WDR49: variants seen among roughly 807,000 people sequenced by gnomAD.
The protein encoded by WDR49 is cilia- and flagella-associated protein 337.
WDR49 carries 107 observed loss-of-function variants against 119.5 expected under a neutral mutation model. That is an observed-to-expected ratio of 0.90 (90% CI 0.77 to 1.05). WDR49 has a LOEUF of 1.05. Ranked by LOEUF, WDR49 falls within the 50% of genes least tolerant of loss-of-function variation. The pLI is 0.00. For synonymous variants in WDR49, 425 were observed against 418.8 expected (o/e 1.01, Z -0.18); for missense variants, 1,240 against 1,220.5 (o/e 1.02, Z -0.24).
rs77610864 is a variant in WDR49 at position 167,605,279 on chromosome 3, T to C, written c.959-811A>G. On this transcript the variant is annotated intron_variant, in intron 5 of 18. Coordinates refer to ENST00000682715, the MANE Select transcript of WDR49 (RefSeq NM_001366157.1). ...GGATTTATTAATTCAAGAGCTCATA[T>C]TGATATGTAAATAGCTTGATTTAGA... Among the ~76,000 whole-genome samples, 508 of 152,298 alleles carry C rather than the reference T, an allele frequency of 3.3e-3. 3 individuals carry two copies. Among genetic ancestry groups the C allele is most frequent in the African/African-American group, 0.011 (477 of 41,572 alleles).
At chr3:167,560,730 T>C (rs1271383542) in intron 8 of WDR49, among the ~76,000 whole-genome samples, 2 of 152,094 alleles carry the variant, frequency 1.3e-5, no homozygotes, top group Non-Finnish European at 2.9e-5. Context: ...GCTTTCTTTT[T>C]TCCCAAACTA....
At chr3:167,517,666 C>A (rs1456542314) in intron 16 of WDR49, among the ~76,000 whole-genome samples, 3 of 151,368 alleles carry the variant, frequency 2.0e-5, no homozygotes, top group Non-Finnish European at 4.4e-5. Flanking sequence ...TAAAAATTGA[C>A]CAATGAGATA....
At chr3:167,651,481 C>T (rs149212601) in intron 2 of WDR49, among the ~76,000 whole-genome samples, 19 of 152,214 alleles carry the variant, frequency 1.2e-4, no homozygotes, top group African/African-American at 4.6e-4. Flanking sequence ...GGTGTCCGTG[C>T]TGTGTTTGGA....
At chr3:167,605,533 T>G (rs537289849) in intron 5 of WDR49, among the ~76,000 whole-genome samples, 2 of 152,000 alleles carry the variant, frequency 1.3e-5, no homozygotes, top group Non-Finnish European at 2.9e-5. Context: ...GGCCCCAAAC[T>G]TGGGAGAAAA....
intron 13 of WDR49, 42 bp downstream of exon 13, chr3:167,531,073 C>A: frequency 6.3e-7 from 1 of 1,575,630 alleles, no homozygotes; most frequent in Non-Finnish European, 8.6e-7. Context: ...TTCTTTATTG[C>A]TCCCTTTCCA....
At chr3:167,602,000 C>A in intron 7 of WDR49, 127 bp downstream of exon 7, 6 of 1,216,632 alleles carry the variant, frequency 4.9e-6, no homozygotes, top group East Asian at 4.9e-5. Context: ...CTTCCAAAAA[C>A]ATAAGTAGCT....
At chr3:167,586,369 G>A (rs142813312) in intron 7 of WDR49, among the ~76,000 whole-genome samples, 3,356 of 152,266 alleles carry the variant, frequency 0.022, 58 homozygotes, top group Middle Eastern at 0.044. Context: ...GCCATCTCAA[G>A]AGAATCAGTT....
chr3:167,567,464 C>G lies in WDR49; in HGVS notation c.1510-7236G>C, dbSNP rs1233107556. 2.6e-5 allele frequency among the ~76,000 whole-genome samples: 4 copies of G among 152,168 alleles called. No individual in the cohort carries two copies. The East Asian group carries it at 7.7e-4, about 29-fold the overall frequency. ...GGCTCTGTTGTAGATCCTGTGAAGT[C>G]ATGTGCAACACGTGGACACAGTTTT... is the stretch of plus-strand genomic sequence containing the variant. On this transcript the variant is annotated intron_variant, in intron 8 of 18. Coordinates refer to ENST00000682715, the MANE Select transcript of WDR49 (RefSeq NM_001366157.1).
At chr3:167,568,358 G>C (rs1209253207) in intron 8 of WDR49, among the ~76,000 whole-genome samples, 1 of 151,966 alleles carries the variant, frequency 6.6e-6, no homozygotes, top group Non-Finnish European at 1.5e-5. Flanking sequence ...TTAAATTATT[G>C]TATAATAACT....
At chr3:167,582,375 A>G (rs868009121) in intron 7 of WDR49, among the ~76,000 whole-genome samples, 56 of 152,274 alleles carry the variant, frequency 3.7e-4, no homozygotes, top group African/African-American at 1.3e-3. Context: ...TTCTTCCTTC[A>G]GAAAAGATTT....
chr3:167,504,703 G>A (rs78187777), intron 17 of WDR49, among the ~76,000 whole-genome samples: 4,088 of 152,200 alleles, frequency 0.027, 79 homozygotes, highest in Non-Finnish European at 0.042. Flanking sequence ...GGAGGTGCCA[G>A]GGATGGAATG....
intron 7 of WDR49, among the ~76,000 whole-genome samples, chr3:167,582,350 A>G (rs1306782170): frequency 1.3e-5 from 2 of 152,166 alleles, no homozygotes; most frequent in African/African-American, 4.8e-5. Context: ...TTTTTATCTT[A>G]AAGTCATATA....
chr3:167,653,286 A>G lies in WDR49; in HGVS notation c.140T>C (p.Phe47Ser), dbSNP rs1319154372. Residue 47 changes from phenylalanine to serine, a missense_variant, in exon 2 of 19, where the codon TTT becomes TCT. Transcript: ENST00000682715. The part of the protein sequence containing the change: ...LLENQLSVGD[F>S]VKIQKAFESP... ...CTCAAAGGCCTTCTGTATTTTTACA[A>G]AGTCACCCACGCTGAGTTGGTTTTC... 6.5e-6 allele frequency: 10 copies of G among 1,536,174 alleles called. No individual in the cohort carries two copies. The highest frequency in any genetic ancestry group is 8.7e-6 in the Non-Finnish European group (10 of 1,146,882).
chr3:167,537,110 C>A, intron 10 of WDR49, 110 bp from the exon 11 acceptor site: 1 of 1,131,330 alleles, frequency 8.8e-7, no homozygotes. Context: ...GACTATGCTG[C>A]CCAAAATTTA....
intron 2 of WDR49, among the ~76,000 whole-genome samples, chr3:167,641,328 C>T (rs1433668426): frequency 6.6e-6 from 1 of 151,916 alleles, no homozygotes; most frequent in Non-Finnish European, 1.5e-5. Context: ...TTCTCAGCAA[C>T]ACTTCTGATC....
chr3:167,592,421 A>ATTTCTT (rs777784406), intron 7 of WDR49, among the ~76,000 whole-genome samples: 15 of 146,868 alleles, frequency 1.0e-4, no homozygotes, highest in African/African-American at 2.5e-4. Context: ...CCGTTAGATG[A>ATTTCTT]TTTCTTTTTC....
Position 167,478,812 on chromosome 3 carries a change from T to G in WDR49, c.*66A>C. ...ATATAAAATAAAATAAAAGGCAGAA[T>G]TCTTGATGCTTTTTCTGCATTTTAT... On this transcript the variant is annotated 3_prime_UTR_variant, in exon 19 of 19. Transcript: ENST00000682715. 8.9e-7 allele frequency: 1 copy of G among 1,128,450 alleles called. No homozygotes were observed. The allele number at this position is 1,128,450 out of a possible 1,614,324, so 69.9% of individuals were successfully genotyped here.
intron 18 of WDR49, among the ~76,000 whole-genome samples, chr3:167,497,154 C>G (rs1751384978): frequency 6.6e-6 from 1 of 152,152 alleles, no homozygotes; most frequent in African/African-American, 2.4e-5. Context: ...CTGGCATTTT[C>G]ATGGAACCTC....
At chr3:167,522,141 GC>G (rs1034375146) in intron 16 of WDR49, among the ~76,000 whole-genome samples, 173 bp downstream of exon 16, 13 of 152,010 alleles carry the variant, frequency 8.6e-5, no homozygotes, top group Admixed American at 6.6e-4. Flanking sequence ...ACCAAATATG[GC>G]CCCGATAATA....
Sources: gnomAD v4.1 joint callset for allele counts (sites outside exome capture counted in the v4.1 genomes callset) on GRCh38, gnomAD v4.1.1 for gene constraint, MANE v1.5 for transcripts, NCBI Gene and HGNC (gene_info 2026-07-23, HGNC 2026-07-21) for gene names.